ZNF274: variants seen among roughly 807,000 people sequenced by gnomAD.
ZNF274 encodes zinc finger protein 274, also known as neurotrophin receptor-interacting factor homolog.
Under a neutral mutation model 42.5 loss-of-function variants are expected in ZNF274, and 23 were observed. The ratio of observed to expected loss-of-function variants is 0.54; its 90% CI spans 0.39 to 0.77. ZNF274 has a LOEUF of 0.77. Ranked by LOEUF, ZNF274 falls within the 30% of genes least tolerant of loss-of-function variation. ZNF274 has a pLI of 0.00. For missense variants in ZNF274, 679 were observed against 806.5 expected, an observed-to-expected ratio of 0.84 and a Z score of 1.91; for synonymous variants, 292 against 305.4, an observed-to-expected ratio of 0.96 and a Z score of 0.46.
chr19:58,209,993 A>G lies in ZNF274; in HGVS notation c.772A>G (p.Thr258Ala). The change falls in exon 6 of 8, where the codon ACC (threonine) becomes GCC (alanine). Residue 258 changes from threonine (T) to alanine (A), a missense_variant. Physicochemically the swap from Thr to Ala is moderately conservative, Grantham distance 58 (BLOSUM62 0). Coordinates refer to ENST00000617501, the MANE Select transcript of ZNF274 (RefSeq NM_133502.3). ...LPAGQPAEGT[T>A]CCLEVTAQQE... ...TGCAGGACAACCTGCCGAGGGCACC[A>G]CCTGCTGCCTCGAGGTCACTGCCCA... 4 of 1,613,544 alleles carry G rather than the reference A, an allele frequency of 2.5e-6. No individual in the cohort carries two copies. Among genetic ancestry groups the G allele is most frequent in the Non-Finnish European group, 3.4e-6 (4 of 1,179,744 alleles).
rs2076054471 is a variant in ZNF274 at position 58,212,496 on chromosome 19, G to C, written c.1315G>C (p.Val439Leu). Residue 439 changes from valine to leucine, a missense_variant, in exon 8 of 8, where the codon GTT becomes CTT. Physicochemically the swap from Val to Leu is conservative, Grantham distance 32 (BLOSUM62 1). Transcript: ENST00000617501. This position sits in a 1 kb window ranked among gnomAD's most constrained non-coding sequence, Gnocchi z 4.6. ...CAGTGGCGCTCTTGACACAAACCAA[G>C]TTTTGCTCCACAAAATTCCTCCTAG... ...ANSGALDTNQ[V>L]LLHKIPPRKR... The C allele has an allele frequency of 6.2e-7, 1 of 1,613,876 alleles. No individual in the cohort carries two copies. Among genetic ancestry groups the C allele is most frequent in the Non-Finnish European group, 8.5e-7 (1 of 1,179,888 alleles).
Position 58,211,324 on chromosome 19 carries a change from C to A in ZNF274, c.853-236C>A. 1 of 413,030 alleles carries A rather than the reference C, an allele frequency of 2.4e-6. No homozygotes were observed. The highest frequency in any genetic ancestry group is 4.3e-6 in the Non-Finnish European group (1 of 233,608). 25.6% of individuals were successfully genotyped at this position (413,030 alleles called of 1,614,324 possible). A position where few individuals can be genotyped will look rare whatever the true frequency, so the allele number is the denominator to read the frequency against. On this transcript the variant is annotated intron_variant, in intron 6 of 7. Transcript: ENST00000617501. The surrounding 1 kb of genome is among the most constrained non-coding windows in gnomAD (Gnocchi z 4.8). Reference sequence around the variant, plus strand: ...TTAGGATGGAGTTGTTTGCTTGTTGCACTTGGAGCTCTTTATGAAGCAAGG... The same window carrying A: ...TTAGGATGGAGTTGTTTGCTTGTTGAACTTGGAGCTCTTTATGAAGCAAGG...
chr19:58,185,175 C>T lies in ZNF274; in HGVS notation c.34-537C>T, dbSNP rs1279751042. ...GTGCGGTGGCTCACATGTGTAATCC[C>T]AGCACTTTGGGAGGCCGAGGCAGGC... is the stretch of plus-strand genomic sequence containing the variant. On this transcript the variant is annotated intron_variant, in intron 2 of 7. Transcript: ENST00000617501. Among the ~76,000 whole-genome samples the T allele has an allele frequency of 6.6e-5, 10 of 151,396 alleles. No individual in the cohort carries two copies. In the South Asian group the frequency reaches 1.5e-3, roughly 22 times the overall value.
rs756096912 is a variant in ZNF274, at chr19:58,206,778, A to G, written c.315A>G (p.Leu105=). 6.2e-7 allele frequency: 1 copy of G among 1,612,908 alleles called. No individual in the cohort carries two copies. Among genetic ancestry groups the G allele is most frequent in the Non-Finnish European group, 8.5e-7 (1 of 1,179,480 alleles). The change falls in exon 5 of 8, where the codon CTA becomes CTG. Residue 105 remains leucine, a synonymous_variant. Coordinates refer to ENST00000617501, the MANE Select transcript of ZNF274 (RefSeq NM_133502.3). The part of the protein sequence containing the change: ...KLDPLPAESP[L]MNIEVVEVLT... ...ATCCTCTTCCTGCTGAGAGTCCCCT[A>G]ATGAACATTGAGGTTGTTGAGGTCC...
chr19:58,195,246 T>C (rs1000865080), intron 4 of ZNF274, among the ~76,000 whole-genome samples: 4 of 151,634 alleles, frequency 2.6e-5, no homozygotes, highest in African/African-American at 9.7e-5. Context: ...TGTGTGTATA[T>C]ATATACACAC....
At chr19:58,194,371 CTTTTTTTTTTT>C (rs766266627) in intron 4 of ZNF274, among the ~76,000 whole-genome samples, 1 of 64,176 alleles carries the variant, frequency 1.6e-5, no homozygotes, top group Non-Finnish European at 2.7e-5. Flanking sequence ...TGTTTTTTAC[CTTTTTTTTTTT>C]TTTTTTTTTT....
chr19:58,188,615 AAAAAAATATATAT>A (rs1167932295), intron 4 of ZNF274, among the ~76,000 whole-genome samples: 20 of 58,866 alleles, frequency 3.4e-4, no homozygotes, highest in African/African-American at 1.4e-3. Context: ...CAAAAAAAAA[AAAAAAATATATAT>A]ATATATATAT....
In ZNF274 at chr19:58,213,023, C is replaced by G. The variant is rs760193025; in HGVS notation, c.1842C>G (p.Thr614=). 1 of 1,613,978 alleles carries G rather than the reference C, an allele frequency of 6.2e-7. No individual in the cohort carries two copies. The highest frequency in any genetic ancestry group is 1.7e-5 in the Admixed American group (1 of 60,018). ...SHLIRHQRTH[T]GERPYACNKC... Reference sequence around the variant, plus strand: ...TCATCAGACATCAGAGGACTCACACCGGGGAGCGCCCATATGCATGCAACA... The same window carrying G: ...TCATCAGACATCAGAGGACTCACACGGGGGAGCGCCCATATGCATGCAACA... The change falls in exon 8 of 8, where the codon ACC becomes ACG. Residue 614 remains threonine (T), a synonymous_variant. Transcript: ENST00000617501.
Position 58,185,856 on chromosome 19 carries a change from G to C in ZNF274, c.160+18G>C, listed in dbSNP as rs369752753. ...CTCAGTGGGTAAGGCTGGCCTCCAG[G>C]TCAAGAAGGATCTGTGCTTTGTAGC... is the stretch of plus-strand genomic sequence containing the variant. On this transcript the variant is annotated intron_variant, in intron 3 of 7. Transcript: ENST00000617501. 7.4e-7 allele frequency: 1 copy of C among 1,356,870 alleles called. No individual in the cohort carries two copies. The highest frequency in any genetic ancestry group is 9.6e-7 in the Non-Finnish European group (1 of 1,043,644). The allele number at this position is 1,356,870 out of a possible 1,614,324, so 84.1% of individuals were successfully genotyped here.
At chr19:58,187,295 T>C (rs925869693) in intron 4 of ZNF274, among the ~76,000 whole-genome samples, 1 of 152,222 alleles carries the variant, frequency 6.6e-6, no homozygotes, top group East Asian at 1.9e-4. Context: ...TTACACGCAT[T>C]GTCTACTGCC....
At chr19:58,183,530 T>C (rs942620469) in intron 1 of ZNF274, 88 bp downstream of exon 1, 2 of 164,108 alleles carry the variant, frequency 1.2e-5, no homozygotes, top group African/African-American at 4.8e-5. Flanking sequence ...GCCTCTGCAT[T>C]TTCCGCCGAG....
intron 5 of ZNF274, 147 bp from the exon 6 acceptor site, chr19:58,209,814 G>A (rs2076019743): frequency 2.4e-5 from 14 of 586,452 alleles, no homozygotes; most frequent in Non-Finnish European, 4.0e-5. Context: ...CAGAGCTGGT[G>A]GGAAGGGAGG....
intron 4 of ZNF274, among the ~76,000 whole-genome samples, chr19:58,190,567 C>G (rs2075767999): frequency 6.6e-6 from 1 of 152,180 alleles, no homozygotes; most frequent in African/African-American, 2.4e-5. Context: ...TATTTCCCTT[C>G]TAGAGCATAC....
rs569965744 is a variant in ZNF274 at position 58,211,169 on chromosome 19, C to A, written c.853-391C>A. ...CTGTGCCAGGGTGACTGCCCTCCCC[C>A]AGGTCAGCCCTGTCGACAAAGGCAG... On this transcript the variant is annotated intron_variant, in intron 6 of 7. Coordinates refer to ENST00000617501, the MANE Select transcript of ZNF274 (RefSeq NM_133502.3). The surrounding 1 kb of genome is among the most constrained non-coding windows in gnomAD (Gnocchi z 4.8). 46 of 160,826 alleles carry A rather than the reference C, an allele frequency of 2.9e-4. No homozygotes were observed. The highest frequency in any genetic ancestry group is 4.5e-4 in the Non-Finnish European group (33 of 73,782). 10.0% of individuals were successfully genotyped at this position (160,826 alleles called of 1,614,324 possible). A position where few individuals can be genotyped will look rare whatever the true frequency, so the allele number is the denominator to read the frequency against.
rs2076043476 is a variant in ZNF274 at position 58,211,773 on chromosome 19, A to G, written c.979+87A>G. ...GGGGTGTTCACCTTCTCTAGACTCC[A>G]CACTGGGCATTCCCTCAAGGGGCCC... On this transcript the variant is annotated intron_variant, in intron 7 of 7. Transcript: ENST00000617501. The surrounding 1 kb of genome is among the most constrained non-coding windows in gnomAD (Gnocchi z 4.8). 6.7e-7 allele frequency: 1 copy of G among 1,503,370 alleles called. No individual in the cohort carries two copies. Among genetic ancestry groups the G allele is most frequent in the Non-Finnish European group, 8.9e-7 (1 of 1,121,788 alleles). 93.1% of individuals were successfully genotyped at this position (1,503,370 alleles called of 1,614,324 possible).
intron 4 of ZNF274, among the ~76,000 whole-genome samples, chr19:58,188,694 G>A (rs78373490): frequency 0.011 from 835 of 74,402 alleles, 6 homozygotes; most frequent in Middle Eastern, 0.024. Context: ...ATATGTATAT[G>A]TATATATATA....
At position 58,213,256 on chromosome 19, in the gene ZNF274, C is replaced by A; in HGVS notation, c.*113C>A. 7.1e-7 allele frequency: 1 copy of A among 1,407,974 alleles called. No homozygotes were observed. Among genetic ancestry groups the A allele is most frequent in the Non-Finnish European group, 9.4e-7 (1 of 1,063,838 alleles). 87.2% of individuals were successfully genotyped at this position (1,407,974 alleles called of 1,614,324 possible). On this transcript the variant is annotated 3_prime_UTR_variant, in exon 8 of 8. Coordinates refer to ENST00000617501, the MANE Select transcript of ZNF274 (RefSeq NM_133502.3). ...GTGAAAGGGAAGTATTGAGTGAGGACATTCCCAAAACCAAAGGACAACTGA... is the reference window on the plus strand; with the variant it reads ...GTGAAAGGGAAGTATTGAGTGAGGAAATTCCCAAAACCAAAGGACAACTGA...
intron 4 of ZNF274, among the ~76,000 whole-genome samples, chr19:58,189,960 T>TA (rs2075759197): frequency 6.6e-6 from 1 of 151,772 alleles, no homozygotes; most frequent in South Asian, 2.1e-4. Flanking sequence ...CTGTCTCTGC[T>TA]AAAAATACAA....
intron 4 of ZNF274, among the ~76,000 whole-genome samples, chr19:58,205,529 C>G (rs2075970533): frequency 1.3e-5 from 2 of 152,156 alleles, no homozygotes; most frequent in South Asian, 4.1e-4. Context: ...GAGACAGGGT[C>G]TCACTATGTT....
Sources: allele counts gnomAD v4.1 joint callset (sites outside exome capture counted in the v4.1 genomes callset), GRCh38; gene constraint gnomAD v4.1.1; non-coding constraint Gnocchi (gnomAD v3.1); transcripts MANE v1.5; gene names NCBI Gene and HGNC (gene_info 2026-07-23, HGNC 2026-07-21).